Variants in CDKAL1 observed in about 807,000 individuals in gnomAD.
CDKAL1 encodes the protein CDKAL1 threonylcarbamoyladenosine tRNA methylthiotransferase, also known as threonylcarbamoyladenosine tRNA methylthiotransferase.
In CDKAL1, 32 loss-of-function variants were observed where a neutral mutation model predicts 68.2. The observed-to-expected ratio is 0.47, with a 90% CI of 0.35 to 0.63. The LOEUF (loss-of-function observed/expected upper bound fraction) is 0.63. CDKAL1 is among the 30% of genes least tolerant of loss of function. CDKAL1 has a pLI of 0.00. For missense variants in CDKAL1, 606 were observed against 696.7 expected (o/e 0.87, Z 1.47); for synonymous variants, 234 against 244.3 (o/e 0.96, Z 0.39).
At chr6:20,853,521 G>T (rs947376473) in intron 9 of CDKAL1, among the ~76,000 whole-genome samples, 9 of 152,056 alleles carry the variant, frequency 5.9e-5, no homozygotes, top group African/African-American at 2.2e-4. Flanking sequence ...CTGGTTCTGT[G>T]TCTAATATGT....
chr6:20,622,332 A>G (rs1297649019), intron 4 of CDKAL1, among the ~76,000 whole-genome samples: 1 of 152,048 alleles, frequency 6.6e-6, no homozygotes, highest in Non-Finnish European at 1.5e-5. Flanking sequence ...TATATTTTCT[A>G]ATTTCTTACT....
intron 13 of CDKAL1, among the ~76,000 whole-genome samples, chr6:21,108,803 A>T (rs1450982501): frequency 6.6e-6 from 1 of 152,212 alleles, no homozygotes; most frequent in Non-Finnish European, 1.5e-5. Context: ...ATTGGTAAAG[A>T]TAATTGAAAT....
At chr6:20,916,145 A>G (rs1463845076) in intron 9 of CDKAL1, among the ~76,000 whole-genome samples, 1 of 152,210 alleles carries the variant, frequency 6.6e-6, no homozygotes, top group Non-Finnish European at 1.5e-5. Flanking sequence ...AATAAAATTT[A>G]TAGAACCACA....
At chr6:20,832,530 C>T (rs1344687160) in intron 8 of CDKAL1, among the ~76,000 whole-genome samples, 1 of 151,568 alleles carries the variant, frequency 6.6e-6, no homozygotes, top group Admixed American at 6.6e-5. Flanking sequence ...GTGGTGCAAG[C>T]CTGTATTCCC....
chr6:21,208,546 G>A (rs928307003), intron 15 of CDKAL1, among the ~76,000 whole-genome samples: 1 of 152,110 alleles, frequency 6.6e-6, no homozygotes, highest in Admixed American at 6.5e-5. Context: ...AAATGAGGGC[G>A]TGTTTCTTCC....
intron 9 of CDKAL1, among the ~76,000 whole-genome samples, chr6:20,875,704 A>G (rs977689692): frequency 2.6e-5 from 4 of 152,208 alleles, no homozygotes; most frequent in African/African-American, 9.6e-5. Context: ...CTGTAAAGCT[A>G]TTTAATAATC....
chr6:20,544,990 T>C (rs1423431264), intron 2 of CDKAL1, among the ~76,000 whole-genome samples: 2 of 151,758 alleles, frequency 1.3e-5, no homozygotes, highest in Non-Finnish European at 2.9e-5. Flanking sequence ...TGTGTGTGTG[T>C]GTGTTTGTGT....
At chr6:20,974,221 A>G (rs1765733742) in intron 10 of CDKAL1, among the ~76,000 whole-genome samples, 1 of 152,192 alleles carries the variant, frequency 6.6e-6, no homozygotes, top group South Asian at 2.1e-4. Flanking sequence ...AGAAAAGACA[A>G]TGGAAAGACA....
At chr6:20,870,012 C>G (rs989694320) in intron 9 of CDKAL1, among the ~76,000 whole-genome samples, 8 of 152,200 alleles carry the variant, frequency 5.3e-5, no homozygotes, top group African/African-American at 1.9e-4. Flanking sequence ...GAACACCTTT[C>G]TATAAATAAT....
At chr6:20,958,753 C>G (rs1207701971) in intron 10 of CDKAL1, among the ~76,000 whole-genome samples, 3 of 152,136 alleles carry the variant, frequency 2.0e-5, no homozygotes, top group African/African-American at 4.8e-5. Context: ...GGGAAGACAG[C>G]CTTCTTGTGT....
chr6:20,875,741 A>G (rs1760480586), intron 9 of CDKAL1, among the ~76,000 whole-genome samples: 1 of 152,208 alleles, frequency 6.6e-6, no homozygotes, highest in Non-Finnish European at 1.5e-5. Context: ...TATTAGTTTC[A>G]CATTACTAAA....
At chr6:20,890,420 G>A (rs939222234) in intron 9 of CDKAL1, among the ~76,000 whole-genome samples, 1 of 152,186 alleles carries the variant, frequency 6.6e-6, no homozygotes, top group African/African-American at 2.4e-5. Flanking sequence ...TTCATGAGGA[G>A]AAAAGTGCTC....
At chr6:20,893,576 T>C (rs1581779525) in intron 9 of CDKAL1, among the ~76,000 whole-genome samples, 2 of 152,342 alleles carry the variant, frequency 1.3e-5, no homozygotes, top group East Asian at 3.9e-4. Context: ...TTATTTATAT[T>C]GTTTCTAAGG....
intron 12 of CDKAL1, among the ~76,000 whole-genome samples, chr6:21,088,810 C>T (rs1435565592): frequency 1.3e-5 from 2 of 152,074 alleles, no homozygotes; most frequent in African/African-American, 4.8e-5. Context: ...GGTGTTATGG[C>T]AGGCGCCTGT....
chr6:20,688,153 A>T (rs1770712306), intron 5 of CDKAL1, among the ~76,000 whole-genome samples: 1 of 146,856 alleles, frequency 6.8e-6, no homozygotes, highest in African/African-American at 2.5e-5. Context: ...GGCTTCTTTC[A>T]GGTTTTTTTC....
At chr6:20,675,830 G>T (rs371740519) in intron 5 of CDKAL1, among the ~76,000 whole-genome samples, 1 of 152,044 alleles carries the variant, frequency 6.6e-6, no homozygotes, top group East Asian at 1.9e-4. Context: ...CCTCAGGCAG[G>T]TACTTCAGGA....
chr6:20,987,055 G>T (rs1160287874), intron 10 of CDKAL1, among the ~76,000 whole-genome samples: 6 of 152,168 alleles, frequency 3.9e-5, no homozygotes, highest in Admixed American at 3.9e-4. Flanking sequence ...AAACAAAGAT[G>T]TGTAAGCTGA....
intron 10 of CDKAL1, among the ~76,000 whole-genome samples, chr6:20,988,276 A>G (rs929361266): frequency 6.7e-6 from 1 of 149,984 alleles, no homozygotes; most frequent in African/African-American, 2.5e-5. Flanking sequence ...CCCTCAAAGG[A>G]TTGGATGCTA....
At chr6:20,802,255 G>A (rs1335378954) in intron 8 of CDKAL1, among the ~76,000 whole-genome samples, 9 of 151,452 alleles carry the variant, frequency 5.9e-5, no homozygotes, top group Admixed American at 4.6e-4. Flanking sequence ...CCGAGATTGC[G>A]CCGCTGCACT....
Sources: gnomAD v4.1 joint callset for allele counts (sites outside exome capture counted in the v4.1 genomes callset) on GRCh38, gnomAD v4.1.1 for gene constraint, MANE v1.5 for transcripts, NCBI Gene and HGNC (gene_info 2026-07-23, HGNC 2026-07-21) for gene names.